Variants in HYDIN observed in about 807,000 individuals in gnomAD.
HYDIN encodes HYDIN axonemal central pair apparatus protein, also known as axonemal central pair apparatus protein HYDIN.
A neutral mutation model predicts 403.9 loss-of-function variants in HYDIN; 132 were observed. The observed-to-expected ratio is 0.33, with a 90% CI of 0.28 to 0.38. The LOEUF is 0.38. Ranked by LOEUF, HYDIN falls within the 10% of genes least tolerant of loss-of-function variation. The pLI, the probability that HYDIN is intolerant of heterozygous loss-of-function variation, is 1.00. For synonymous variants in HYDIN, 1,202 were observed against 1,891.7 expected (o/e 0.64, Z 9.46); for missense variants, 2,827 against 5,009.5 (o/e 0.56, Z 13.15).
chr16:70,859,289 A>G (rs2039251756), intron 71 of HYDIN, among the ~76,000 whole-genome samples: 1 of 151,974 alleles, frequency 6.6e-6, no homozygotes, highest in South Asian at 2.1e-4. Context: ...GGACAGAGCA[A>G]GACTCTGTCT....
intron 1 of HYDIN, among the ~76,000 whole-genome samples, chr16:71,211,362 C>T (rs1340520899): frequency 6.8e-6 from 1 of 147,530 alleles, no homozygotes; most frequent in South Asian, 2.2e-4. Flanking sequence ...CTGGAGGGAC[C>T]GGGTACAGTG....
At chr16:71,015,942 A>G (rs576610680) in intron 23 of HYDIN, among the ~76,000 whole-genome samples, 2 of 152,052 alleles carry the variant, frequency 1.3e-5, no homozygotes, top group East Asian at 3.9e-4. Context: ...CTATTTTATA[A>G]TTATGTGTAT....
chr16:70,884,945 G>A (rs1567764972), intron 58 of HYDIN, among the ~76,000 whole-genome samples: 1 of 152,238 alleles, frequency 6.6e-6, no homozygotes, highest in Non-Finnish European at 1.5e-5. Flanking sequence ...ACAAAATCCA[G>A]GGCAGAATGC....
intron 53 of HYDIN, among the ~76,000 whole-genome samples, chr16:70,899,656 CT>C (rs757455183): frequency 2.6e-5 from 4 of 152,192 alleles, no homozygotes; most frequent in Non-Finnish European, 5.9e-5. Context: ...AGATCCTGCC[CT>C]GATGCAGTTC....
At chr16:71,011,268 C>A (rs188436656) in intron 23 of HYDIN, among the ~76,000 whole-genome samples, 1 of 152,138 alleles carries the variant, frequency 6.6e-6, no homozygotes, top group African/African-American at 2.4e-5. Flanking sequence ...CACAGCAACT[C>A]TTTTAGACTA....
At chr16:70,850,015 C>T (rs1402345350) in intron 74 of HYDIN, 68 bp from the exon 75 acceptor site, 17 of 592,894 alleles carry the variant, frequency 2.9e-5, no homozygotes, top group Non-Finnish European at 4.2e-5. Flanking sequence ...GCATTTGTAA[C>T]ATGTTGATGA....
chr16:70,855,900 C>T (rs1387842787), intron 72 of HYDIN, among the ~76,000 whole-genome samples: 2 of 152,260 alleles, frequency 1.3e-5, no homozygotes, highest in East Asian at 1.9e-4. Flanking sequence ...TTTGGACATA[C>T]TCAAAATTAT....
At chr16:71,139,095 G>GAAAAAA (rs71758936) in intron 7 of HYDIN, among the ~76,000 whole-genome samples, 18 of 103,806 alleles carry the variant, frequency 1.7e-4, no homozygotes, top group Middle Eastern at 3.9e-3. Flanking sequence ...AAATAAAGAA[G>GAAAAAA]AAAAAAAAAA....
At chr16:71,206,314 T>C (rs759327293) in intron 1 of HYDIN, among the ~76,000 whole-genome samples, 10 of 152,214 alleles carry the variant, frequency 6.6e-5, no homozygotes, top group East Asian at 3.9e-4. Context: ...GAGACAGTAA[T>C]AGGAGGAGGC....
chr16:71,103,016 C>A (rs1056327701), intron 10 of HYDIN, among the ~76,000 whole-genome samples: 1 of 149,714 alleles, frequency 6.7e-6, no homozygotes, highest in African/African-American at 2.5e-5. Flanking sequence ...TTGTGTTATA[C>A]AGGAATCTTT....
At chr16:71,200,746 A>C (rs2087960977) in intron 1 of HYDIN, among the ~76,000 whole-genome samples, 1 of 152,208 alleles carries the variant, frequency 6.6e-6, no homozygotes, top group South Asian at 2.1e-4. Flanking sequence ...ACTTTATCAA[A>C]TTCAAGCCTG....
At chr16:71,080,863 A>G (rs1261478509) in intron 12 of HYDIN, 1 of 151,152 alleles carries the variant, frequency 6.6e-6, no homozygotes, top group Non-Finnish European at 1.5e-5. Context: ...AAGAGACAGA[A>G]GAGGAGGTCA....
At position 70,803,803 on chromosome 16, in the gene HYDIN, C is replaced by A. The variant is rs1490603440; in HGVS notation, c.*3777G>T. ...CAGTATTGTCACCTCTGACTTGAGG[C>A]TCCTAAAGAAGTGGTTAGACTTAGC... On this transcript the variant is annotated 3_prime_UTR_variant, in exon 86 of 86. Coordinates refer to ENST00000393567, the MANE Select transcript of HYDIN (RefSeq NM_001270974.2). Among the ~76,000 whole-genome samples the A allele has an allele frequency of 2.0e-5, 3 of 152,162 alleles. No homozygotes were observed. Among genetic ancestry groups the A allele is most frequent in the Non-Finnish European group, 4.4e-5 (3 of 68,028 alleles).
At chr16:71,123,924 C>G (rs1180362408) in intron 9 of HYDIN, among the ~76,000 whole-genome samples, 1 of 152,222 alleles carries the variant, frequency 6.6e-6, no homozygotes, top group Non-Finnish European at 1.5e-5. Flanking sequence ...AACTGTGAGT[C>G]CATTAAACCT....
intron 12 of HYDIN, among the ~76,000 whole-genome samples, chr16:71,083,803 A>G (rs2082854912): frequency 6.8e-6 from 1 of 147,110 alleles, no homozygotes; most frequent in Non-Finnish European, 1.5e-5. Flanking sequence ...TGTCCAGTGT[A>G]TCGATGCTGC....
In HYDIN at chr16:70,981,257, T is replaced by C. The variant is rs8058528; in HGVS notation, c.4510+134A>G. ...TAAACTCAGGTCACCAATTTGGCAA[T>C]TGCAGAATAACGTGGAAGAGAACCA... On this transcript the variant is annotated intron_variant, in intron 29 of 85. Coordinates refer to ENST00000393567, the MANE Select transcript of HYDIN (RefSeq NM_001270974.2). The C allele has an allele frequency of 8.1e-6, 11 of 1,362,038 alleles. No individual in the cohort carries two copies. In the Admixed American group the frequency reaches 1.7e-4, roughly 21 times the overall value. 84.4% of individuals were successfully genotyped at this position (1,362,038 alleles called of 1,614,324 possible).
intron 41 of HYDIN, among the ~76,000 whole-genome samples, chr16:70,951,291 A>AGG: frequency 6.6e-6 from 1 of 150,942 alleles, no homozygotes; most frequent in African/African-American, 2.4e-5. Flanking sequence ...GGAGAGAGGG[A>AGG]GAGAGAGAGA....
intron 41 of HYDIN, among the ~76,000 whole-genome samples, chr16:70,951,056 G>A (rs1296520396): frequency 2.6e-5 from 4 of 152,112 alleles, no homozygotes; most frequent in South Asian, 2.1e-4. Flanking sequence ...GCAACACAGC[G>A]AGATCCCATC....
chr16:71,208,611 C>T (rs758076975), intron 1 of HYDIN, among the ~76,000 whole-genome samples: 1 of 151,802 alleles, frequency 6.6e-6, no homozygotes, highest in Non-Finnish European at 1.5e-5. Context: ...TCAACAAATC[C>T]AGAGGTTTAT....
Sources: allele counts gnomAD v4.1 joint callset (sites outside exome capture counted in the v4.1 genomes callset), GRCh38; gene constraint gnomAD v4.1.1; transcripts MANE v1.5; gene names NCBI Gene and HGNC (gene_info 2026-07-23, HGNC 2026-07-21).